Variants in GABBR2 observed in about 807,000 individuals in gnomAD.
GABBR2 encodes the protein gamma-aminobutyric acid type B receptor subunit 2, also known as G-protein coupled receptor 51.
In GABBR2, 23 loss-of-function variants were observed where a neutral mutation model predicts 105.6. The ratio of observed to expected loss-of-function variants is 0.22; its 90% CI spans 0.16 to 0.31. The LOEUF is 0.31. Ranked by LOEUF, GABBR2 falls within the 10% of genes least tolerant of loss-of-function variation. The pLI is 1.00. For missense variants in GABBR2, 734 were observed against 1,245.5 expected, an observed-to-expected ratio of 0.59 and a Z score of 6.18; for synonymous variants, 478 against 499.7, an observed-to-expected ratio of 0.96 and a Z score of 0.58.
At chr9:98,304,617 G>A (rs1347763292) in intron 15 of GABBR2, among the ~76,000 whole-genome samples, 2 of 152,184 alleles carry the variant, frequency 1.3e-5, no homozygotes, top group African/African-American at 4.8e-5. Context: ...CAGTGCCTGG[G>A]GGCTGACTGC....
At chr9:98,448,956 GC>G (rs2131596743) in intron 7 of GABBR2, among the ~76,000 whole-genome samples, 1 of 152,066 alleles carries the variant, frequency 6.6e-6, no homozygotes, top group African/African-American at 2.4e-5. Context: ...GAACTTTAAG[GC>G]TTTGATTTTC....
chr9:98,421,931 A>C (rs1832789029), intron 7 of GABBR2, among the ~76,000 whole-genome samples: 1 of 152,266 alleles, frequency 6.6e-6, no homozygotes, highest in African/African-American at 2.4e-5. Flanking sequence ...CTTCTCAAAC[A>C]AAACTTCCAA....
chr9:98,584,107 G>A (rs1294840539), intron 1 of GABBR2, among the ~76,000 whole-genome samples: 2 of 152,096 alleles, frequency 1.3e-5, no homozygotes, highest in African/African-American at 4.8e-5. Context: ...GAAAGCTATG[G>A]GCTTTATCAT....
At chr9:98,361,606 C>T (rs569984019) in intron 13 of GABBR2, among the ~76,000 whole-genome samples, 1 of 152,276 alleles carries the variant, frequency 6.6e-6, no homozygotes, top group African/African-American at 2.4e-5. Flanking sequence ...CAGATGTCCC[C>T]CCGTCCAAAA....
chr9:98,380,741 A>T (rs1043881958), intron 11 of GABBR2, among the ~76,000 whole-genome samples: 5 of 152,314 alleles, frequency 3.3e-5, no homozygotes, highest in African/African-American at 9.6e-5. Context: ...ACTAAGAGAA[A>T]CTGCATCCCT....
At chr9:98,400,245 G>C (rs1277231440) in intron 8 of GABBR2, among the ~76,000 whole-genome samples, 1 of 149,750 alleles carries the variant, frequency 6.7e-6, no homozygotes, top group Non-Finnish European at 1.5e-5. Flanking sequence ...GATCAGAACA[G>C]ACAATTAACA....
At chr9:98,586,284 CTTTTTTTTTT>C (rs569530376) in intron 1 of GABBR2, among the ~76,000 whole-genome samples, 3 of 131,100 alleles carry the variant, frequency 2.3e-5, no homozygotes, top group Admixed American at 7.8e-5. Flanking sequence ...TCTTTTCTTT[CTTTTTTTTTT>C]TTTTTTTTGT....
chr9:98,480,836 T>C, intron 5 of GABBR2, 96 bp downstream of exon 5: 1 of 775,460 alleles, frequency 1.3e-6, no homozygotes, highest in Non-Finnish European at 2.4e-6. Context: ...TCCAGTCCTG[T>C]GATCCCACTC....
chr9:98,291,062 C>T (rs985329102), intron 18 of GABBR2, among the ~76,000 whole-genome samples: 10 of 152,122 alleles, frequency 6.6e-5, no homozygotes, highest in Non-Finnish European at 1.2e-4. Flanking sequence ...CCTTGACTTA[C>T]GATGGGGTTA....
At chr9:98,458,275 A>T (rs528685707) in intron 6 of GABBR2, among the ~76,000 whole-genome samples, 1 of 152,362 alleles carries the variant, frequency 6.6e-6, no homozygotes, top group East Asian at 1.9e-4. Context: ...CAGAGGTGAA[A>T]CTGGCAGACT....
chr9:98,626,990 C>T (rs540465612), intron 1 of GABBR2, among the ~76,000 whole-genome samples: 1 of 152,334 alleles, frequency 6.6e-6, no homozygotes, highest in East Asian at 1.9e-4. Context: ...TTGAAACCGC[C>T]TTTCTTGAGT....
At chr9:98,569,536 G>GA (rs1183387730) in intron 2 of GABBR2, among the ~76,000 whole-genome samples, 1 of 152,156 alleles carries the variant, frequency 6.6e-6, no homozygotes, top group Non-Finnish European at 1.5e-5. Flanking sequence ...TTCCCTTGGA[G>GA]AAAAAACAAC....
At chr9:98,417,131 C>A (rs989539840) in intron 7 of GABBR2, among the ~76,000 whole-genome samples, 1 of 152,218 alleles carries the variant, frequency 6.6e-6, no homozygotes, top group Non-Finnish European at 1.5e-5. Context: ...GGCTGGGAAG[C>A]AGCAGGATGC....
chr9:98,505,202 T>C (rs1334339606), intron 3 of GABBR2, among the ~76,000 whole-genome samples: 1 of 152,240 alleles, frequency 6.6e-6, no homozygotes, highest in Non-Finnish European at 1.5e-5. Flanking sequence ...CTGTCCAACC[T>C]GATGTGCATT....
intron 1 of GABBR2, among the ~76,000 whole-genome samples, chr9:98,643,651 T>G (rs1390953125): frequency 1.3e-5 from 2 of 152,228 alleles, no homozygotes; most frequent in African/African-American, 2.4e-5. Context: ...ACCCATATTT[T>G]CCTTGGGGAA....
rs139608546 is a variant in GABBR2 at position 98,442,841 on chromosome 9, A to C, written c.1236+11140T>G. ...GAAACCTCATCCGTATCTCTGCTTC[A>C]TCATCACATGGCATTCTCCCTGTGT... On this transcript the variant is annotated intron_variant, in intron 7 of 18. Coordinates refer to ENST00000259455, the MANE Select transcript of GABBR2 (RefSeq NM_005458.8). Among the ~76,000 whole-genome samples, 791 of 152,320 alleles carry C rather than the reference A, an allele frequency of 5.2e-3. 6 individuals carry two copies. The highest frequency in any genetic ancestry group is 0.018 in the African/African-American group (756 of 41,578).
At chr9:98,526,852 A>G (rs1827971983) in intron 3 of GABBR2, among the ~76,000 whole-genome samples, 1 of 152,162 alleles carries the variant, frequency 6.6e-6, no homozygotes, top group Non-Finnish European at 1.5e-5. Flanking sequence ...ACATTTTAGC[A>G]TGCATAGCTA....
Position 98,290,681 on chromosome 9 carries a change from A to G in GABBR2, c.2729T>C (p.Val910Ala). The G allele has an allele frequency of 6.8e-7, 1 of 1,478,564 alleles. No homozygotes were observed. Among genetic ancestry groups the G allele is most frequent in the East Asian group, 2.8e-5 (1 of 36,352 alleles). 91.6% of individuals were successfully genotyped at this position (1,478,564 alleles called of 1,614,324 possible). ...HHAYLPSIGG[V>A]DASCVSPCVS... ...GCAGGGGCTGACACAGCTGGCGTCCACGCCTCCGATGGATGGGAGGTAGGC... is the reference window on the plus strand; with the variant it reads ...GCAGGGGCTGACACAGCTGGCGTCCGCGCCTCCGATGGATGGGAGGTAGGC... The change falls in exon 19 of 19, where the codon GTG becomes GCG. Residue 910 changes from valine (V) to alanine (A), a missense_variant. By Grantham distance (64) the Val-to-Ala change is moderately conservative (BLOSUM62 0). Coordinates refer to ENST00000259455, the MANE Select transcript of GABBR2 (RefSeq NM_005458.8).
At position 98,495,135 on chromosome 9, in the gene GABBR2, T is replaced by C. The variant is rs542168588; in HGVS notation, c.732+1278A>G. Among the ~76,000 whole-genome samples, 8 of 152,362 alleles carry C rather than the reference T, an allele frequency of 5.3e-5. No homozygotes were observed. In the South Asian group the frequency reaches 1.2e-3, roughly 24 times the overall value. On this transcript the variant is annotated intron_variant, in intron 4 of 18. Transcript: ENST00000259455. ...CTGGGCTGTCAAGCAGGCCCTTCCCTGACTACTGTGTCCTCATCTGCAGAG... is the reference window on the plus strand; with the variant it reads ...CTGGGCTGTCAAGCAGGCCCTTCCCCGACTACTGTGTCCTCATCTGCAGAG...
Sources: gnomAD v4.1 joint callset for allele counts (sites outside exome capture counted in the v4.1 genomes callset) on GRCh38, gnomAD v4.1.1 for gene constraint, MANE v1.5 for transcripts, NCBI Gene and HGNC (gene_info 2026-07-23, HGNC 2026-07-21) for gene names.